Variants in ANKRD6 observed in about 807,000 individuals in gnomAD.
The protein encoded by ANKRD6 is ankyrin repeat domain-containing protein 6.
In ANKRD6, 56 loss-of-function variants were observed where a neutral mutation model predicts 82.3. The ratio of observed to expected loss-of-function variants is 0.68; its 90% CI spans 0.55 to 0.85. The LOEUF is 0.85. Among genes scored for constraint, ANKRD6 ranks in the 40% least tolerant of loss-of-function variants. The pLI is 0.00. For synonymous variants in ANKRD6, 347 were observed against 352.1 expected, an observed-to-expected ratio of 0.99 and a Z score of 0.16; for missense variants, 852 against 907.6, an observed-to-expected ratio of 0.94 and a Z score of 0.79.
intron 1 of ANKRD6, among the ~76,000 whole-genome samples, chr6:89,554,481 G>A (rs981239396): frequency 1.3e-5 from 2 of 150,918 alleles, no homozygotes; most frequent in Non-Finnish European, 2.9e-5. Context: ...TATAGATTCT[G>A]GGGACTAAGA....
intron 1 of ANKRD6, among the ~76,000 whole-genome samples, chr6:89,434,381 C>T (rs76876945): frequency 0.013 from 2,009 of 152,274 alleles, 45 homozygotes; most frequent in African/African-American, 0.043. Context: ...GTGGAAAGAA[C>T]TTGGGCAATG....
At chr6:89,628,933 G>A in intron 14 of ANKRD6, 179 bp from the exon 15 acceptor site, 1 of 634,044 alleles carries the variant, frequency 1.6e-6, no homozygotes, top group Non-Finnish European at 2.6e-6. Context: ...ATGAGATTTG[G>A]AGGGGTCAAA....
At chr6:89,461,492 GC>G (rs2127772010) in intron 1 of ANKRD6, among the ~76,000 whole-genome samples, 1 of 152,256 alleles carries the variant, frequency 6.6e-6, no homozygotes, top group African/African-American at 2.4e-5. Context: ...GAGATTCATG[GC>G]TTTATGTTAA....
At chr6:89,606,177 G>GAAA in intron 5 of ANKRD6, 72 bp downstream of exon 5, 1 of 1,286,978 alleles carries the variant, frequency 7.8e-7, no homozygotes, top group Non-Finnish European at 1.1e-6. Flanking sequence ...CCCTGTGGGA[G>GAAA]CCTTCTTCCA....
intron 1 of ANKRD6, among the ~76,000 whole-genome samples, chr6:89,504,255 C>T (rs540348138): frequency 1.1e-4 from 17 of 152,044 alleles, no homozygotes; most frequent in Admixed American, 9.2e-4. Flanking sequence ...GGAGAATGAT[C>T]GTATCCATTT....
intron 1 of ANKRD6, among the ~76,000 whole-genome samples, chr6:89,439,409 T>C (rs973298886): frequency 1.3e-5 from 2 of 152,232 alleles, no homozygotes; most frequent in African/African-American, 2.4e-5. Flanking sequence ...ATTTTACTTA[T>C]TTGCTCTTAA....
intron 1 of ANKRD6, among the ~76,000 whole-genome samples, chr6:89,558,970 AAG>A (rs1187125619): frequency 6.6e-6 from 1 of 152,218 alleles, no homozygotes; most frequent in Admixed American, 6.5e-5. Context: ...GGCAGGAAGA[AAG>A]AGAAAGCCGT....
At chr6:89,490,549 A>T (rs1346680139) in intron 1 of ANKRD6, among the ~76,000 whole-genome samples, 1 of 152,214 alleles carries the variant, frequency 6.6e-6, no homozygotes, top group Admixed American at 6.5e-5. Context: ...AGATGCTCAG[A>T]TGATAGCGGG....
chr6:89,535,593 T>C (rs974619612), intron 1 of ANKRD6, among the ~76,000 whole-genome samples: 1 of 152,232 alleles, frequency 6.6e-6, no homozygotes, highest in Non-Finnish European at 1.5e-5. Flanking sequence ...TGGGCAGCTC[T>C]ACAGAGAACT....
chr6:89,512,910 CTTTT>C (rs997866123), intron 1 of ANKRD6, among the ~76,000 whole-genome samples: 2 of 151,508 alleles, frequency 1.3e-5, no homozygotes, highest in Middle Eastern at 3.4e-3. Context: ...TTTCTTTTTC[CTTTT>C]TTTCTTTCTT....
At chr6:89,452,235 G>C (rs1034103823) in intron 1 of ANKRD6, among the ~76,000 whole-genome samples, 1 of 152,162 alleles carries the variant, frequency 6.6e-6, no homozygotes, top group Non-Finnish European at 1.5e-5. Flanking sequence ...TAAGTAAATC[G>C]GATGGAGTTA....
chr6:89,478,433 T>TAA, intron 1 of ANKRD6: 1 of 149,236 alleles, frequency 6.7e-6, no homozygotes, highest in Non-Finnish European at 1.5e-5. Flanking sequence ...ACCCTGTCTC[T>TAA]AAAAAAAAAA....
At chr6:89,539,073 A>G (rs1007267400) in intron 1 of ANKRD6, among the ~76,000 whole-genome samples, 1 of 152,176 alleles carries the variant, frequency 6.6e-6, no homozygotes, top group Non-Finnish European at 1.5e-5. Flanking sequence ...TGGGAAATAC[A>G]TGGATTTAGG....
intron 1 of ANKRD6, among the ~76,000 whole-genome samples, chr6:89,484,236 T>G (rs957078724): frequency 2.0e-5 from 3 of 152,186 alleles, no homozygotes; most frequent in African/African-American, 7.2e-5. Flanking sequence ...GTGTTTTTTC[T>G]TTTTTCCTCT....
At chr6:89,514,608 C>T (rs182912405) in intron 1 of ANKRD6, among the ~76,000 whole-genome samples, 1 of 152,258 alleles carries the variant, frequency 6.6e-6, no homozygotes, top group East Asian at 1.9e-4. Context: ...TAGTTCACTT[C>T]ATTTCTATGA....
chr6:89,567,746 C>G (rs184437470), intron 2 of ANKRD6, among the ~76,000 whole-genome samples: 1 of 152,272 alleles, frequency 6.6e-6, no homozygotes, highest in East Asian at 1.9e-4. Flanking sequence ...CTTATTGAGC[C>G]CTAGTATTGC....
intron 1 of ANKRD6, among the ~76,000 whole-genome samples, chr6:89,536,918 G>A (rs1165212354): frequency 6.6e-6 from 1 of 152,196 alleles, no homozygotes; most frequent in East Asian, 1.9e-4. Flanking sequence ...AAAAACCTTT[G>A]GTTTTTTGTA....
intron 1 of ANKRD6, among the ~76,000 whole-genome samples, chr6:89,480,414 G>A (rs1776647766): frequency 6.6e-6 from 1 of 152,128 alleles, no homozygotes; most frequent in African/African-American, 2.4e-5. Context: ...CCCAGTGAGG[G>A]GAGGGTTTGC....
At chr6:89,569,857 A>G (rs1789396457) in intron 2 of ANKRD6, among the ~76,000 whole-genome samples, 1 of 152,172 alleles carries the variant, frequency 6.6e-6, no homozygotes, top group South Asian at 2.1e-4. Context: ...AAAGGTTTTT[A>G]ATAAAAACAG....
Sources: allele counts gnomAD v4.1 joint callset (sites outside exome capture counted in the v4.1 genomes callset), GRCh38; gene constraint gnomAD v4.1.1; transcripts MANE v1.5; gene names NCBI Gene and HGNC (gene_info 2026-07-23, HGNC 2026-07-21).